CWF19L2: variants seen among roughly 807,000 people sequenced by gnomAD.
CWF19L2 encodes the protein CWF19-like protein 2.
A neutral mutation model predicts 111.7 loss-of-function variants in CWF19L2; 98 were observed. That is an observed-to-expected ratio of 0.88 (90% CI 0.75 to 1.04). CWF19L2 has a LOEUF of 1.04. Ranked by LOEUF, CWF19L2 falls within the 50% of genes least tolerant of loss-of-function variation. The pLI, the probability that CWF19L2 is intolerant of heterozygous loss-of-function variation, is 0.00. For synonymous variants in CWF19L2, 351 were observed against 342.9 expected, an observed-to-expected ratio of 1.02 and a Z score of -0.26; for missense variants, 1,101 against 1,051.4, an observed-to-expected ratio of 1.05 and a Z score of -0.65.
At chr11:107,405,990 A>G (rs984612924) in intron 10 of CWF19L2, among the ~76,000 whole-genome samples, 1 of 152,178 alleles carries the variant, frequency 6.6e-6, no homozygotes, top group South Asian at 2.1e-4. Context: ...GAAGTAAAGC[A>G]AAGGAAACAA....
rs200509385 is a variant in CWF19L2, at chr11:107,428,816, T to C, written c.1416A>G (p.Thr472=). The change falls in exon 8 of 18, where the codon ACA becomes ACG. Residue 472 remains threonine, a synonymous_variant. Coordinates refer to ENST00000282251, the MANE Select transcript of CWF19L2 (RefSeq NM_152434.3). ...DPPKKEHLRD[T]KSTFAGSPER... ...TAAAATACCCAGCAAATGTAGACTT[T>C]GTATCCCGTAGATGTTCTTTTTTTG... The C allele has an allele frequency of 1.1e-5, 17 of 1,608,166 alleles. No homozygotes were observed. Among genetic ancestry groups the C allele is most frequent in the Middle Eastern group, 1.7e-4 (1 of 6,008 alleles).
At chr11:107,385,830 T>C (rs746913563) in intron 12 of CWF19L2, among the ~76,000 whole-genome samples, 5 of 152,232 alleles carry the variant, frequency 3.3e-5, no homozygotes, top group Non-Finnish European at 7.3e-5. Flanking sequence ...TCTGTCTATT[T>C]AGTTATTCAG....
intron 12 of CWF19L2, among the ~76,000 whole-genome samples, chr11:107,372,068 T>C (rs1420866610): frequency 7.4e-6 from 1 of 135,772 alleles, no homozygotes; most frequent in Non-Finnish European, 1.6e-5. Flanking sequence ...TGCACTTGAC[T>C]TCAAGTCCCA....
intron 7 of CWF19L2, among the ~76,000 whole-genome samples, chr11:107,432,093 A>G (rs1861473093): frequency 6.6e-6 from 1 of 152,120 alleles, no homozygotes; most frequent in South Asian, 2.1e-4. Context: ...AATATGAGGG[A>G]TTTTGATAGG....
chr11:107,441,995 A>G (rs375794923), intron 4 of CWF19L2, among the ~76,000 whole-genome samples: 12 of 152,212 alleles, frequency 7.9e-5, no homozygotes, highest in African/African-American at 2.9e-4. Context: ...CAGATGAACT[A>G]TAGCCCAAAA....
chr11:107,385,089 C>CT (rs901739088), intron 12 of CWF19L2, among the ~76,000 whole-genome samples: 3 of 151,898 alleles, frequency 2.0e-5, no homozygotes, highest in African/African-American at 7.3e-5. Flanking sequence ...CAAATACTTT[C>CT]TTTTTTTTAT....
intron 15 of CWF19L2, among the ~76,000 whole-genome samples, chr11:107,336,319 G>A (rs991490204): frequency 9.9e-5 from 15 of 152,034 alleles, no homozygotes; most frequent in African/African-American, 3.6e-4. Flanking sequence ...GTTAATTTTT[G>A]TATTTTTAGT....
chr11:107,397,022 G>A (rs981137257), intron 10 of CWF19L2, among the ~76,000 whole-genome samples: 1 of 152,274 alleles, frequency 6.6e-6, no homozygotes, highest in Admixed American at 6.5e-5. Context: ...GGATCTCGCT[G>A]GGTCCCCAAA....
intron 9 of CWF19L2, among the ~76,000 whole-genome samples, chr11:107,417,330 GA>G (rs1489641804): frequency 6.6e-6 from 1 of 152,144 alleles, no homozygotes; most frequent in Non-Finnish European, 1.5e-5. Flanking sequence ...TGGATGAATG[GA>G]TAAATGCAGC....
chr11:107,439,704 A>G (rs1861593864), intron 5 of CWF19L2, among the ~76,000 whole-genome samples: 1 of 152,214 alleles, frequency 6.6e-6, no homozygotes, highest in Non-Finnish European at 1.5e-5. Context: ...AGAAAGAGAA[A>G]GTGCAGCAGT....
chr11:107,436,892 T>G (rs985421572), intron 6 of CWF19L2, among the ~76,000 whole-genome samples: 1 of 152,212 alleles, frequency 6.6e-6, no homozygotes, highest in African/African-American at 2.4e-5. Flanking sequence ...TCTACACTGC[T>G]GTCCTTTACA....
At chr11:107,354,058 G>A (rs1591158007) in intron 12 of CWF19L2, among the ~76,000 whole-genome samples, 2 of 149,928 alleles carry the variant, frequency 1.3e-5, no homozygotes, top group African/African-American at 4.9e-5. Context: ...GGTTTAAATT[G>A]TAACTTTAAA....
At chr11:107,449,274 T>C (rs1430024396) in intron 3 of CWF19L2, among the ~76,000 whole-genome samples, 1 of 151,792 alleles carries the variant, frequency 6.6e-6, no homozygotes, top group Non-Finnish European at 1.5e-5. Flanking sequence ...ATAAAAGAAA[T>C]TTTCAAACAA....
rs1860490147 is a variant in CWF19L2 at position 107,370,356 on chromosome 11, T to C, written c.1873-16620A>G. On this transcript the variant is annotated intron_variant, in intron 12 of 17. Coordinates refer to ENST00000282251, the MANE Select transcript of CWF19L2 (RefSeq NM_152434.3). The stretch of plus-strand genomic sequence containing the variant: ...CCACCAATGGAATTCCATAAAATCA[T>C]ATTAAAATCTTGTGAGTTATCATGA... 1.5e-5 allele frequency among the ~76,000 whole-genome samples: 2 copies of C among 137,274 alleles called. 1 individual carries two copies. Among genetic ancestry groups the C allele is most frequent in the African/African-American group, 5.8e-5 (2 of 34,456 alleles). The allele number at this position is 137,274 out of a possible 152,430, so 90.1% of individuals were successfully genotyped here.
intron 7 of CWF19L2, among the ~76,000 whole-genome samples, chr11:107,432,090 G>C (rs1381796031): frequency 1.3e-5 from 2 of 152,016 alleles, no homozygotes; most frequent in Non-Finnish European, 2.9e-5. Context: ...AATAATATGA[G>C]GGATTTTGAT....
At chr11:107,401,972 A>G (rs1003722621) in intron 10 of CWF19L2, among the ~76,000 whole-genome samples, 2 of 152,142 alleles carry the variant, frequency 1.3e-5, no homozygotes, top group African/African-American at 4.8e-5. Flanking sequence ...ACAAAAACAT[A>G]AAGTGGGGAA....
Position 107,371,900 on chromosome 11 carries a change from T to A in CWF19L2, c.1873-18164A>T, listed in dbSNP as rs1339066472. Reference sequence around the variant, plus strand: ...GAAAGATGGTCCCCCCACCTCCACGTCCAAGACATCATTTTATTCATCATC... The same window carrying A: ...GAAAGATGGTCCCCCCACCTCCACGACCAAGACATCATTTTATTCATCATC... On this transcript the variant is annotated intron_variant, in intron 12 of 17. Transcript: ENST00000282251. 2.2e-5 allele frequency among the ~76,000 whole-genome samples: 3 copies of A among 137,802 alleles called. 1 individual carries two copies. The highest frequency in any genetic ancestry group is 8.7e-5 in the African/African-American group (3 of 34,526). The allele number at this position is 137,802 out of a possible 152,430, so 90.4% of individuals were successfully genotyped here.
intron 6 of CWF19L2, among the ~76,000 whole-genome samples, 169 bp from the exon 7 acceptor site, chr11:107,433,918 A>ATATATATT (rs1180666693): frequency 3.0e-5 from 4 of 131,216 alleles, no homozygotes; most frequent in African/African-American, 1.2e-4. Context: ...ATATATATAT[A>ATATATATT]TATTTCAGTG....
Position 107,326,753 on chromosome 11 carries a change from A to G in CWF19L2, c.*157T>C. ...TAGATAGGAGCAGGTGAAGAAGAAAACAACACAATCTCCTGATGTACAGTT... is the reference window on the plus strand; with the variant it reads ...TAGATAGGAGCAGGTGAAGAAGAAAGCAACACAATCTCCTGATGTACAGTT... On this transcript the variant is annotated 3_prime_UTR_variant, in exon 18 of 18. Transcript: ENST00000282251. The G allele has an allele frequency of 3.9e-6, 2 of 515,994 alleles. No homozygotes were observed. The highest frequency in any genetic ancestry group is 6.6e-6 in the Non-Finnish European group (2 of 301,346). 32.0% of individuals were successfully genotyped at this position (515,994 alleles called of 1,614,324 possible). A position where few individuals can be genotyped will look rare whatever the true frequency, so the allele number is the denominator to read the frequency against.
Sources: allele counts gnomAD v4.1 joint callset (sites outside exome capture counted in the v4.1 genomes callset), GRCh38; gene constraint gnomAD v4.1.1; transcripts MANE v1.5; gene names NCBI Gene and HGNC (gene_info 2026-07-23, HGNC 2026-07-21).